ODF2: variants seen among roughly 807,000 people sequenced by gnomAD.
The protein encoded by ODF2 is outer dense fiber protein 2.
ODF2 carries 47 observed loss-of-function variants against 110.2 expected under a neutral mutation model. The ratio of observed to expected loss-of-function variants is 0.43; its 90% CI spans 0.34 to 0.54. The LOEUF is 0.54. ODF2 is among the 20% of genes least tolerant of loss of function. The probability of loss-of-function intolerance (pLI) is 0.03; values close to 1 mark genes in which losing one functional copy is unlikely to be tolerated. For synonymous variants in ODF2, 352 were observed against 397.7 expected, an observed-to-expected ratio of 0.89 and a Z score of 1.37; for missense variants, 812 against 1,054.5, an observed-to-expected ratio of 0.77 and a Z score of 3.19.
chr9:128,472,727 C>CA (rs1840332435), intron 6 of ODF2, among the ~76,000 whole-genome samples, 186 bp from the exon 7 acceptor site: 1 of 152,184 alleles, frequency 6.6e-6, no homozygotes. Flanking sequence ...GTCTGGTGCC[C>CA]AGGCAGATGT....
intron 8 of ODF2, among the ~76,000 whole-genome samples, chr9:128,477,112 A>C (rs1010877810): frequency 6.6e-6 from 1 of 151,480 alleles, no homozygotes; most frequent in African/African-American, 2.4e-5. Flanking sequence ...GGTACCCGTA[A>C]TATCAACTAC....
At chr9:128,476,413 T>G (rs1841272141) in intron 8 of ODF2, among the ~76,000 whole-genome samples, 2 of 151,966 alleles carry the variant, frequency 1.3e-5, no homozygotes, top group Non-Finnish European at 1.5e-5. Flanking sequence ...TCAGCCTCCC[T>G]AGTAGCTGGG....
At chr9:128,481,243 G>A (rs1842339575) in intron 8 of ODF2, among the ~76,000 whole-genome samples, 1 of 152,162 alleles carries the variant, frequency 6.6e-6, no homozygotes, top group Non-Finnish European at 1.5e-5. Flanking sequence ...GGCCAAAGCA[G>A]GCAGATTGTT....
At chr9:128,466,103 C>T (rs1024868345) in intron 4 of ODF2, among the ~76,000 whole-genome samples, 1 of 151,086 alleles carries the variant, frequency 6.6e-6, no homozygotes, top group Admixed American at 6.6e-5. Flanking sequence ...CGCGCCCCTG[C>T]ACTGCAGCCT....
intron 18 of ODF2, chr9:128,497,437 AAAAAAAAAAAT>A (rs1845740222): frequency 1.0e-5 from 1 of 97,480 alleles, no homozygotes; most frequent in African/African-American, 5.3e-5. Context: ...AAAAAAAAAA[AAAAAAAAAAAT>A]ATATATATAT....
At chr9:128,488,064 G>A (rs775044826) in intron 14 of ODF2, 39 bp downstream of exon 14, 8 of 1,610,492 alleles carry the variant, frequency 5.0e-6, no homozygotes, top group Non-Finnish European at 6.8e-6. Flanking sequence ...GCTGGATGGG[G>A]CCCAGCGAGC....
intron 18 of ODF2, chr9:128,497,807 GC>G (rs1845923685): frequency 6.6e-6 from 1 of 152,210 alleles, no homozygotes; most frequent in African/African-American, 2.4e-5. Context: ...CCTCTGCTCT[GC>G]CCTGCCAGCC....
At chr9:128,492,847 A>T (rs185029976) in intron 16 of ODF2, 42 bp downstream of exon 16, 1 of 1,520,458 alleles carries the variant, frequency 6.6e-7, no homozygotes, top group African/African-American at 1.4e-5. Context: ...ACCCAATTCC[A>T]TATCTAACTC....
At chr9:128,456,652 C>G in intron 1 of ODF2, 1 of 1,476,404 alleles carries the variant, frequency 6.8e-7, no homozygotes, top group Non-Finnish European at 8.9e-7. Context: ...TCGCCCCGAC[C>G]GCCTCGTCCT....
At chr9:128,469,460 C>G in intron 5 of ODF2, 107 bp downstream of exon 5, 1 of 1,219,804 alleles carries the variant, frequency 8.2e-7, no homozygotes, top group East Asian at 2.3e-5. Flanking sequence ...GCCTTCAGGC[C>G]TCCTCTGCAG....
chr9:128,494,357 G>A lies in ODF2; in HGVS notation c.1753-153G>A, dbSNP rs139868943. The stretch of plus-strand genomic sequence containing the variant: ...GCTCAATGGCCAGCGGGGAGTGTAG[G>A]CCACACTTCTGCTGTGGATTTTGCA... On this transcript the variant is annotated intron_variant, in intron 16 of 20. Transcript: ENST00000604420. This position sits in a 1 kb window ranked among gnomAD's most constrained non-coding sequence, Gnocchi z 4.6. Among the ~76,000 whole-genome samples the A allele has an allele frequency of 1.5e-4, 23 of 152,296 alleles. No individual in the cohort carries two copies. In the East Asian group the frequency reaches 4.2e-3, roughly 28 times the overall value.
rs1044783328 is a variant in ODF2, at chr9:128,456,287, C to T, written c.-209+32C>T. 6.6e-6 allele frequency: 10 copies of T among 1,517,316 alleles called. No homozygotes were observed. In the African/African-American group the frequency reaches 1.4e-4, roughly 22 times the overall value. The allele number at this position is 1,517,316 out of a possible 1,614,324, so 94.0% of individuals were successfully genotyped here. On this transcript the variant is annotated intron_variant, in intron 1 of 20. Coordinates refer to ENST00000604420, the Ensembl canonical transcript of ODF2. ...GGCCGCCGGCAGGCGGGATCCAGCG[C>T]CCTCCGGGGCACCGCGGGCGAGACC...
rs189595851 is a variant in ODF2 at position 128,471,512 on chromosome 9, A to G, written c.581+44A>G. On this transcript the variant is annotated intron_variant, in intron 6 of 20. Transcript: ENST00000604420. ...TGTCCCCGCTGATCTATTCCTCCCT[A>G]CCAGGCTGCCTTGAGCCCTGGGCAA... The G allele has an allele frequency of 5.3e-4, 842 of 1,592,336 alleles. 3 individuals are homozygous for G. In the African/African-American group the frequency reaches 0.01, roughly 20 times the overall value.
At chr9:128,460,013 A>G (rs749846100) in intron 3 of ODF2, 7 of 600,274 alleles carry the variant, frequency 1.2e-5, no homozygotes, top group South Asian at 9.5e-5. Context: ...TGCCTTGCTC[A>G]TGTTTTCTTT....
At chr9:128,497,438 A>T (rs1845739806) in intron 18 of ODF2, 1 of 94,554 alleles carries the variant, frequency 1.1e-5, no homozygotes, top group Non-Finnish European at 1.9e-5. Context: ...AAAAAAAAAA[A>T]AAAAAAAAAT....
intron 9 of ODF2, among the ~76,000 whole-genome samples, chr9:128,482,245 C>G (rs1257728620): frequency 1.3e-5 from 2 of 152,196 alleles, no homozygotes; most frequent in African/African-American, 2.4e-5. Flanking sequence ...GGCCCAGTTT[C>G]CCAAGGTGTG....
intron 14 of ODF2, among the ~76,000 whole-genome samples, chr9:128,491,204 C>T (rs1844469764): frequency 6.6e-6 from 1 of 151,864 alleles, no homozygotes. Context: ...GCCAGCACGT[C>T]CGGCTGATTT....
intron 4 of ODF2, among the ~76,000 whole-genome samples, chr9:128,465,693 A>T (rs1397116330): frequency 2.0e-5 from 3 of 151,058 alleles, no homozygotes; most frequent in Non-Finnish European, 4.4e-5. Context: ...GTGAGCTGAG[A>T]TTGCACCACT....
At position 128,485,565 on chromosome 9, in the gene ODF2, T is replaced by C. The variant is rs1843197565; in HGVS notation, c.1400+91T>C. On this transcript the variant is annotated intron_variant, in intron 13 of 20. Coordinates refer to ENST00000604420, the Ensembl canonical transcript of ODF2. This position sits in a 1 kb window ranked among gnomAD's most constrained non-coding sequence, Gnocchi z 5.0. Reference sequence around the variant, plus strand: ...GCCTAGTGGCTCAGGGAAGGCCACGTGGCTGCTGTTTGTACTCTCCGGGTT... The same window carrying C: ...GCCTAGTGGCTCAGGGAAGGCCACGCGGCTGCTGTTTGTACTCTCCGGGTT... 2 of 700,002 alleles carry C rather than the reference T, an allele frequency of 2.9e-6. No homozygotes were observed. 43.4% of individuals were successfully genotyped at this position (700,002 alleles called of 1,614,324 possible).
Sources: gnomAD v4.1 joint callset for allele counts (sites outside exome capture counted in the v4.1 genomes callset) on GRCh38, gnomAD v4.1.1 for gene constraint, Gnocchi (gnomAD v3.1) non-coding constraint, MANE v1.5 for transcripts, NCBI Gene and HGNC (gene_info 2026-07-23, HGNC 2026-07-21) for gene names.